Variants in AGBL4 observed in about 807,000 individuals in gnomAD.
The protein encoded by AGBL4 is AGBL carboxypeptidase 4, also known as cytosolic carboxypeptidase 6.
In AGBL4, 58 loss-of-function variants were observed where a neutral mutation model predicts 66.4. The ratio of observed to expected loss-of-function variants is 0.87; its 90% confidence interval spans 0.71 to 1.09. The LOEUF is 1.09. Among genes scored for constraint, AGBL4 ranks in the 50% least tolerant of loss-of-function variants. The pLI is 0.00. For missense variants in AGBL4, 579 were observed against 631.0 expected, an observed-to-expected ratio of 0.92 and a Z score of 0.88; for synonymous variants, 234 against 222.9, an observed-to-expected ratio of 1.05 and a Z score of -0.44.
At chr1:49,700,316 T>C (rs1159881209) in intron 2 of AGBL4, among the ~76,000 whole-genome samples, 5 of 150,870 alleles carry the variant, frequency 3.3e-5, no homozygotes, top group Non-Finnish European at 4.4e-5. Context: ...GATAGATAGA[T>C]AGATAGATAG....
rs1219982062 is a variant in AGBL4, at chr1:49,887,171, T to C, written c.35-35653A>G. Among the ~76,000 whole-genome samples, 19 of 119,848 alleles carry C rather than the reference T, an allele frequency of 1.6e-4. No homozygotes were observed. In the East Asian group the frequency reaches 3.7e-3, roughly 23 times the overall value. 78.6% of individuals were successfully genotyped at this position (119,848 alleles called of 152,430 possible). ...TATATATACATTGTGTGTATATATATACATTGTATATATATATATGTGTAT... is the reference window on the plus strand; with the variant it reads ...TATATATACATTGTGTGTATATATACACATTGTATATATATATATGTGTAT... On this transcript the variant is annotated intron_variant, in intron 1 of 13. Coordinates refer to ENST00000371839, the MANE Select transcript of AGBL4 (RefSeq NM_032785.4).
intron 3 of AGBL4, among the ~76,000 whole-genome samples, chr1:49,530,865 T>C (rs1329819013): frequency 6.6e-6 from 1 of 152,052 alleles, no homozygotes; most frequent in African/African-American, 2.4e-5. Flanking sequence ...TCCTATCTCA[T>C]ACTGGCAAAG....
chr1:48,777,997 C>G (rs1016112848), intron 6 of AGBL4, among the ~76,000 whole-genome samples: 1 of 152,146 alleles, frequency 6.6e-6, no homozygotes. Flanking sequence ...GGAACCCTAT[C>G]CCACATCAGA....
At chr1:48,791,263 T>C (rs866258150) in intron 6 of AGBL4, among the ~76,000 whole-genome samples, 2 of 152,350 alleles carry the variant, frequency 1.3e-5, no homozygotes, top group African/African-American at 4.8e-5. Flanking sequence ...TTACCTAGTC[T>C]TAAGTAAACA....
chr1:49,737,980 G>C lies in AGBL4; in HGVS notation c.158-40543C>G, dbSNP rs117325107. Among the ~76,000 whole-genome samples, 1,220 of 152,332 alleles carry C rather than the reference G, an allele frequency of 8.0e-3. 9 individuals carry two copies. The highest frequency in any genetic ancestry group is 0.031 in the Middle Eastern group (9 of 294). On this transcript the variant is annotated intron_variant, in intron 2 of 13. Coordinates refer to ENST00000371839, the MANE Select transcript of AGBL4 (RefSeq NM_032785.4). ...ACTGTTGGTCAGTGGGTGCAGGACAGTGGGTGCAGTGCACCGAGCGTGAGC... is the reference window on the plus strand; with the variant it reads ...ACTGTTGGTCAGTGGGTGCAGGACACTGGGTGCAGTGCACCGAGCGTGAGC...
intron 4 of AGBL4, among the ~76,000 whole-genome samples, chr1:49,164,084 A>G (rs1352716174): frequency 6.6e-6 from 1 of 152,196 alleles, no homozygotes; most frequent in Non-Finnish European, 1.5e-5. Flanking sequence ...ATATGTGTGT[A>G]GGAGGTGACA....
chr1:49,151,259 A>G (rs1646325091), intron 4 of AGBL4, among the ~76,000 whole-genome samples: 1 of 142,330 alleles, frequency 7.0e-6, no homozygotes, highest in Admixed American at 7.2e-5. Flanking sequence ...ACAGAGCAAG[A>G]CTCCGTCTCA....
intron 6 of AGBL4, among the ~76,000 whole-genome samples, chr1:48,675,020 C>T (rs1053160301): frequency 1.3e-5 from 2 of 152,196 alleles, no homozygotes; most frequent in Non-Finnish European, 1.5e-5. Context: ...CTTCCTGGCA[C>T]TCATTTTCTT....
chr1:48,749,161 A>G (rs901562190), intron 6 of AGBL4, among the ~76,000 whole-genome samples: 1 of 152,168 alleles, frequency 6.6e-6, no homozygotes, highest in Non-Finnish European at 1.5e-5. Context: ...TTCAAATGAC[A>G]TATTTGAGAA....
chr1:48,770,140 C>T (rs937186981), intron 6 of AGBL4, among the ~76,000 whole-genome samples: 1 of 152,194 alleles, frequency 6.6e-6, no homozygotes, highest in Non-Finnish European at 1.5e-5. Context: ...CATTCTCTGA[C>T]CCCAACTCTG....
At chr1:49,247,499 C>A (rs960574749) in intron 3 of AGBL4, among the ~76,000 whole-genome samples, 1 of 152,070 alleles carries the variant, frequency 6.6e-6, no homozygotes, top group African/African-American at 2.4e-5. Flanking sequence ...AATTACTTCT[C>A]TCAGGGTCTT....
Position 48,574,226 on chromosome 1 carries a change from C to G in AGBL4, c.1267+12778G>C, listed in dbSNP as rs146034474. On this transcript the variant is annotated intron_variant, in intron 11 of 13. Transcript: ENST00000371839. ...CCCCACCACCTATGCACTGTTCCAC[C>G]TGGACAGGCTTCCTCTTAATCCAAT... Among the ~76,000 whole-genome samples the G allele has an allele frequency of 5.2e-3, 799 of 152,290 alleles. 17 individuals are homozygous for G. Among genetic ancestry groups the G allele is most frequent in the South Asian group, 0.051 (248 of 4,824 alleles).
chr1:49,075,629 T>A (rs1644695216), intron 4 of AGBL4, among the ~76,000 whole-genome samples: 1 of 152,200 alleles, frequency 6.6e-6, no homozygotes, highest in Admixed American at 6.5e-5. Context: ...AGCAACTCTA[T>A]GAGGCATCAA....
chr1:49,807,369 A>AGATGAT (rs1300964224), intron 2 of AGBL4, among the ~76,000 whole-genome samples: 1 of 152,166 alleles, frequency 6.6e-6, no homozygotes, highest in Admixed American at 6.5e-5. Context: ...AAGTCAAATA[A>AGATGAT]GATGATTCTA....
intron 4 of AGBL4, among the ~76,000 whole-genome samples, chr1:49,233,549 G>A (rs1650490619): frequency 6.6e-6 from 1 of 152,126 alleles, no homozygotes; most frequent in Non-Finnish European, 1.5e-5. Flanking sequence ...GGACTTCACT[G>A]CTTCACATAA....
At chr1:48,799,642 T>G (rs1404042031) in intron 6 of AGBL4, among the ~76,000 whole-genome samples, 1 of 152,192 alleles carries the variant, frequency 6.6e-6, no homozygotes, top group Non-Finnish European at 1.5e-5. Flanking sequence ...TTGTCATAGA[T>G]AGCTTTTATT....
chr1:49,911,879 G>A (rs909003913), intron 1 of AGBL4, among the ~76,000 whole-genome samples: 1 of 152,174 alleles, frequency 6.6e-6, no homozygotes, highest in Non-Finnish European at 1.5e-5. Flanking sequence ...TCTTAAAGTT[G>A]CCTGTGCTTT....
At chr1:48,813,895 T>C (rs2148761150) in intron 6 of AGBL4, among the ~76,000 whole-genome samples, 1 of 151,878 alleles carries the variant, frequency 6.6e-6, no homozygotes, top group Non-Finnish European at 1.5e-5. Context: ...GAAAAGGACC[T>C]TCATTTTAGT....
At chr1:49,963,963 A>G (rs1380879185) in intron 1 of AGBL4, among the ~76,000 whole-genome samples, 1 of 152,146 alleles carries the variant, frequency 6.6e-6, no homozygotes. Context: ...TCATATATCT[A>G]CTGGAAATAG....
Sources: gnomAD v4.1 joint callset for allele counts (sites outside exome capture counted in the v4.1 genomes callset) on GRCh38, gnomAD v4.1.1 for gene constraint, MANE v1.5 for transcripts, NCBI Gene and HGNC (gene_info 2026-07-23, HGNC 2026-07-21) for gene names.